The following ABCC11 variants were observed in gnomAD, a reference collection of about 807,000 sequenced individuals.
ABCC11 encodes the protein ATP binding cassette subfamily C member 11.
A neutral mutation model predicts 149.3 loss-of-function variants in ABCC11; 135 were observed. The observed-to-expected ratio is 0.90, with a 90% CI of 0.79 to 1.04. The LOEUF (loss-of-function observed/expected upper bound fraction) is 1.04, where lower values mean the gene tolerates loss of function less well. Among genes scored for constraint, ABCC11 ranks in the 50% least tolerant of loss-of-function variants. The probability of loss-of-function intolerance (pLI) is 0.00; values close to 1 mark genes in which losing one functional copy is unlikely to be tolerated. For synonymous variants in ABCC11, 665 were observed against 671.4 expected (o/e 0.99, Z 0.15); for missense variants, 1,680 against 1,722.1 (o/e 0.98, Z 0.43).
intron 3 of ABCC11, 94 bp from the exon 4 acceptor site, chr16:48,228,058 G>T: frequency 8.4e-7 from 1 of 1,188,612 alleles, no homozygotes; most frequent in Non-Finnish European, 1.2e-6. Context: ...AGGTTACCCA[G>T]ATCTACACAC....
Position 48,205,508 on chromosome 16 carries a change from C to A in ABCC11, c.1710G>T (p.Val570=), listed in dbSNP as rs138547880. 2 of 1,613,978 alleles carry A rather than the reference C, an allele frequency of 1.2e-6. No homozygotes were observed. Among genetic ancestry groups the A allele is most frequent in the African/African-American group, 2.7e-5 (2 of 74,916 alleles). The change falls in exon 13 of 30, where the codon GTG becomes GTT. Residue 570 remains valine (V), a synonymous_variant. Transcript: ENST00000356608. ...EMHLLEGSVG[V]QGSLAYVPQQ... ...GGGGGACATAGGCCAGGCTTCCCTG[C>A]ACCCCCACCGAGCCCTCGAGCAAGT...
chr16:48,214,166 G>A (rs572543294), intron 9 of ABCC11, among the ~76,000 whole-genome samples: 21 of 152,110 alleles, frequency 1.4e-4, no homozygotes, highest in Non-Finnish European at 2.8e-4. Context: ...GAACTCCAAT[G>A]GAGCAGGAAT....
chr16:48,227,599 A>T (rs1970157044), intron 4 of ABCC11, among the ~76,000 whole-genome samples: 2 of 152,156 alleles, frequency 1.3e-5, no homozygotes. Flanking sequence ...AAAGATCTCC[A>T]GCCCGTATGT....
intron 14 of ABCC11, among the ~76,000 whole-genome samples, chr16:48,201,919 T>C (rs1968015975): frequency 6.6e-6 from 1 of 152,146 alleles, no homozygotes; most frequent in South Asian, 2.1e-4. Context: ...TCCTGTTCTA[T>C]CCTGACTGCT....
In ABCC11 at chr16:48,230,578, G is replaced by A. The variant is rs1456741670; in HGVS notation, c.100-5C>T. 1 of 1,551,990 alleles carries A rather than the reference G, an allele frequency of 6.4e-7. No homozygotes were observed. Among genetic ancestry groups the A allele is most frequent in the Non-Finnish European group, 8.7e-7 (1 of 1,147,422 alleles). Reference sequence around the variant, plus strand: ...ATCTTGGAGAGTATAGGTTTTCTTGGAAAAGAAAAACAAAAGAGCATCAGT... The same window carrying A: ...ATCTTGGAGAGTATAGGTTTTCTTGAAAAAGAAAAACAAAAGAGCATCAGT... On this transcript the variant is annotated splice_polypyrimidine_tract_variant and splice_region_variant and intron_variant, in intron 2 of 29. Transcript: ENST00000356608.
At chr16:48,195,387 T>C (rs974204405) in intron 18 of ABCC11, among the ~76,000 whole-genome samples, 4 of 152,316 alleles carry the variant, frequency 2.6e-5, no homozygotes, top group Non-Finnish European at 5.9e-5. Context: ...GGGTTACTCC[T>C]TGCAGGATAC....
In ABCC11 at chr16:48,176,894, G is replaced by A. The variant is rs778668533; in HGVS notation, c.3538+30C>T. On this transcript the variant is annotated intron_variant, in intron 25 of 29. Transcript: ENST00000356608. ...GTGCCCAAAGGGCAAAGGAGGAGCT[G>A]GGGACGCTCGCCCAGGAAGCTCAGC... 2.5e-6 allele frequency: 4 copies of A among 1,606,774 alleles called. No individual in the cohort carries two copies. In the South Asian group the frequency reaches 4.4e-5, roughly 18 times the overall value.
chr16:48,239,497 G>A (rs1234490860), intron 1 of ABCC11, among the ~76,000 whole-genome samples: 1 of 148,796 alleles, frequency 6.7e-6, no homozygotes, highest in East Asian at 2.0e-4. Context: ...AGGAGGCGGA[G>A]CTTGCAGTGA....
chr16:48,233,856 CAAGT>C (rs1233348318), intron 1 of ABCC11, among the ~76,000 whole-genome samples: 1 of 152,198 alleles, frequency 6.6e-6, no homozygotes, highest in East Asian at 1.9e-4. Context: ...TCTATGTTAA[CAAGT>C]AAGAGGAAAG....
intron 9 of ABCC11, among the ~76,000 whole-genome samples, chr16:48,214,506 C>T (rs149106026): frequency 7.9e-5 from 12 of 152,244 alleles, no homozygotes; most frequent in African/African-American, 2.4e-4. Flanking sequence ...GGCCAGGTTC[C>T]GACCACGAAG....
chr16:48,196,686 TTCCTTG>T (rs1360621972), intron 17 of ABCC11, among the ~76,000 whole-genome samples: 1 of 152,210 alleles, frequency 6.6e-6, no homozygotes, highest in East Asian at 1.9e-4. Flanking sequence ...ACCCTTCTGT[TTCCTTG>T]TCCGAAAAAA....
chr16:48,231,652 C>A (rs1319168371), intron 2 of ABCC11, among the ~76,000 whole-genome samples, 171 bp downstream of exon 2: 3 of 140,388 alleles, frequency 2.1e-5, no homozygotes, highest in Admixed American at 7.1e-5. Flanking sequence ...CAAAGCAAGA[C>A]CCTGAGTCAA....
At chr16:48,178,472 G>T in intron 24 of ABCC11, 125 bp downstream of exon 24, 1 of 843,262 alleles carries the variant, frequency 1.2e-6, no homozygotes. Context: ...AGGGAGGAAA[G>T]GCCAGGAGCC....
At chr16:48,183,476 T>A (rs1031253610) in intron 23 of ABCC11, among the ~76,000 whole-genome samples, 1 of 152,204 alleles carries the variant, frequency 6.6e-6, no homozygotes, top group Non-Finnish European at 1.5e-5. Flanking sequence ...AAAAATTAGA[T>A]TCCAGGCTGG....
intron 12 of ABCC11, among the ~76,000 whole-genome samples, chr16:48,206,897 A>T (rs1430045981): frequency 6.6e-6 from 1 of 152,224 alleles, no homozygotes; most frequent in Non-Finnish European, 1.5e-5. Context: ...GGGAAAATGG[A>T]AAGCTCTTTG....
chr16:48,240,072 G>C (rs931898751), intron 1 of ABCC11, among the ~76,000 whole-genome samples: 6 of 152,214 alleles, frequency 3.9e-5, no homozygotes, highest in African/African-American at 1.4e-4. Context: ...TTACACTGTT[G>C]GTGAGAGTGT....
At position 48,200,390 on chromosome 16, in the gene ABCC11, C is replaced by T. The variant is rs190589089; in HGVS notation, c.1968G>A (p.Leu656=). 1 of 1,614,258 alleles carries T rather than the reference C, an allele frequency of 6.2e-7. No homozygotes were observed. Among genetic ancestry groups the T allele is most frequent in the East Asian group, 2.2e-5 (1 of 44,888 alleles). The change falls in exon 15 of 30, where the codon CTG becomes CTA. Residue 656 remains leucine, a synonymous_variant. Coordinates refer to ENST00000356608, the MANE Select transcript of ABCC11 (RefSeq NM_001370497.1). ...RAVYSDRQIY[L]LDDPLSAVDA... The stretch of plus-strand genomic sequence containing the variant: ...CCACAGCAGACAGGGGGTCGTCCAG[C>T]AGGTAGATCTGACGGTCGGAATAGA...
intron 26 of ABCC11, among the ~76,000 whole-genome samples, chr16:48,174,906 A>G (rs895592602): frequency 6.6e-6 from 1 of 152,154 alleles, no homozygotes; most frequent in Non-Finnish European, 1.5e-5. Context: ...GCACAGTCAT[A>G]GTGTACTACA....
At chr16:48,237,434 A>G (rs1218982852) in intron 1 of ABCC11, among the ~76,000 whole-genome samples, 1 of 152,180 alleles carries the variant, frequency 6.6e-6, no homozygotes, top group Non-Finnish European at 1.5e-5. Context: ...ATTCTCTTGA[A>G]GCTACAATCA....
Sources: allele counts gnomAD v4.1 joint callset (sites outside exome capture counted in the v4.1 genomes callset), GRCh38; gene constraint gnomAD v4.1.1; transcripts MANE v1.5; gene names NCBI Gene and HGNC (gene_info 2026-07-23, HGNC 2026-07-21).